The following PHF21B variants were observed in gnomAD, a reference collection of about 807,000 sequenced individuals.
The protein encoded by PHF21B is PHD finger protein 21B.
In PHF21B, 22 loss-of-function variants were observed where a neutral mutation model predicts 62.2. The ratio of observed to expected loss-of-function variants is 0.35; its 90% CI spans 0.25 to 0.51. The LOEUF (loss-of-function observed/expected upper bound fraction) is 0.51, where lower values mean the gene tolerates loss of function less well. PHF21B is among the 20% of genes least tolerant of loss of function. The pLI, the probability that PHF21B is intolerant of heterozygous loss-of-function variation, is 0.97. For synonymous variants in PHF21B, 341 were observed against 314.7 expected (o/e 1.08, Z -0.88); for missense variants, 701 against 707.9 (o/e 0.99, Z 0.11).
chr22:44,952,360 T>C (rs1012575475), intron 2 of PHF21B, among the ~76,000 whole-genome samples: 10 of 152,046 alleles, frequency 6.6e-5, no homozygotes, highest in Admixed American at 4.6e-4. Context: ...GAAAATAAAA[T>C]AGAACCAACA....
At position 44,889,157 on chromosome 22, in the gene PHF21B, T is replaced by C. The variant is rs550229509; in HGVS notation, c.1038+603A>G. Among the ~76,000 whole-genome samples the C allele has an allele frequency of 4.5e-3, 692 of 152,348 alleles. 3 individuals are homozygous for C. The highest frequency in any genetic ancestry group is 7.5e-3 in the Non-Finnish European group (511 of 68,032). On this transcript the variant is annotated intron_variant, in intron 9 of 12. Transcript: ENST00000313237. The stretch of plus-strand genomic sequence containing the variant: ...GCATGCAGGGACTAGAATGTTCTTT[T>C]AGAATTAGATCAGAAATTCAGTGAA...
At chr22:44,961,429 A>T (rs2072418080) in intron 2 of PHF21B, among the ~76,000 whole-genome samples, 1 of 152,130 alleles carries the variant, frequency 6.6e-6, no homozygotes, top group African/African-American at 2.4e-5. Context: ...TCTCTGCTCT[A>T]GGAGTCCCTA....
Position 44,882,904 on chromosome 22 carries a change from C to T in PHF21B, c.*182G>A. On this transcript the variant is annotated 3_prime_UTR_variant, in exon 13 of 13. Transcript: ENST00000313237. ...CCCTGTGAATTTGGAGGGCACAGGG[C>T]CGCACCCCCACCTGGTCCTGGCTCT... is the stretch of plus-strand genomic sequence containing the variant. 2 of 717,650 alleles carry T rather than the reference C, an allele frequency of 2.8e-6. No homozygotes were observed. The highest frequency in any genetic ancestry group is 4.4e-6 in the Non-Finnish European group (2 of 450,648). 44.5% of individuals were successfully genotyped at this position (717,650 alleles called of 1,614,324 possible). A position where few individuals can be genotyped will look rare whatever the true frequency, so the allele number is the denominator to read the frequency against.
chr22:44,966,533 G>T (rs1287427438), intron 2 of PHF21B, among the ~76,000 whole-genome samples: 1 of 152,160 alleles, frequency 6.6e-6, no homozygotes, highest in African/African-American at 2.4e-5. Flanking sequence ...TCCCCAGGGA[G>T]TCCCTGGGCA....
At chr22:44,965,888 TACCCCAAAGCTGCAC>T (rs1295887393) in intron 2 of PHF21B, among the ~76,000 whole-genome samples, 3 of 152,144 alleles carry the variant, frequency 2.0e-5, no homozygotes, top group Non-Finnish European at 4.4e-5. Flanking sequence ...GGACACCCGC[TACCCCAAAGCTGCAC>T]ACCCCCTGCT....
intron 2 of PHF21B, among the ~76,000 whole-genome samples, chr22:44,970,607 C>T (rs1490980097): frequency 6.6e-6 from 1 of 152,178 alleles, no homozygotes; most frequent in Non-Finnish European, 1.5e-5. Context: ...AATTCTCGGC[C>T]CTCCTTAGAA....
chr22:44,883,331 G>A (rs755603039), intron 12 of PHF21B, 27 bp from the exon 13 acceptor site: 13 of 1,607,200 alleles, frequency 8.1e-6, no homozygotes, highest in Non-Finnish European at 1.0e-5. Context: ...CAGGGGAAAG[G>A]GTCTCAGTAT....
At position 44,893,494 on chromosome 22, in the gene PHF21B, G is replaced by C; in HGVS notation, c.923C>G (p.Thr308Arg). 6.2e-7 allele frequency: 1 copy of C among 1,604,264 alleles called. No individual in the cohort carries two copies. The highest frequency in any genetic ancestry group is 8.5e-7 in the Non-Finnish European group (1 of 1,175,746). ...SKRQERKRRS[T>R]ANPAYSGLLE... is the part of the protein sequence containing the mutation. ...GAGGCCGCTGTAGGCAGGGTTGGCT[G>C]TGCTTCTTCTCTTCCGCTCCTGTCG... is the stretch of plus-strand genomic sequence containing the variant. Residue 308 changes from threonine (T) to arginine (R), a missense_variant, in exon 7 of 13, where the codon ACA (threonine) becomes AGA (arginine). By Grantham distance (71) the Thr-to-Arg change is moderately conservative. Coordinates refer to ENST00000313237, the MANE Select transcript of PHF21B (RefSeq NM_138415.5).
intron 2 of PHF21B, among the ~76,000 whole-genome samples, chr22:44,942,712 G>GC: frequency 1.3e-5 from 2 of 152,286 alleles, no homozygotes; most frequent in South Asian, 4.1e-4. Context: ...GAGGCCCAGC[G>GC]CACGAGCTGT....
chr22:44,886,998 T>C (rs1380199175), intron 10 of PHF21B, among the ~76,000 whole-genome samples: 5 of 151,206 alleles, frequency 3.3e-5, no homozygotes, highest in Non-Finnish European at 7.4e-5. Context: ...CTACTAAAAA[T>C]ACAAAAAATT....
chr22:44,959,761 CA>C (rs2072379940), intron 2 of PHF21B, among the ~76,000 whole-genome samples: 2 of 152,182 alleles, frequency 1.3e-5, no homozygotes, highest in South Asian at 4.1e-4. Context: ...AGATGACCAC[CA>C]GGGGAACAGG....
At chr22:44,893,564 G>A in intron 6 of PHF21B, 31 bp from the exon 7 acceptor site, 2 of 1,572,130 alleles carry the variant, frequency 1.3e-6, no homozygotes, top group Non-Finnish European at 1.7e-6. Context: ...CAGTTACTGG[G>A]TCCTGCCTGC....
intron 2 of PHF21B, among the ~76,000 whole-genome samples, chr22:44,928,586 T>A (rs978763299): frequency 2.6e-5 from 4 of 152,114 alleles, no homozygotes; most frequent in Non-Finnish European, 5.9e-5. Context: ...ATTTTTATAT[T>A]TTTAGTAGAG....
chr22:44,921,176 C>T (rs914371564), intron 2 of PHF21B, among the ~76,000 whole-genome samples: 7 of 152,168 alleles, frequency 4.6e-5, no homozygotes, highest in Admixed American at 2.6e-4. Context: ...CGCCAACACA[C>T]GATGGGATGG....
At chr22:44,950,788 T>C (rs941819702) in intron 2 of PHF21B, among the ~76,000 whole-genome samples, 3 of 152,202 alleles carry the variant, frequency 2.0e-5, no homozygotes, top group Non-Finnish European at 4.4e-5. Context: ...AAATGCAACT[T>C]TCTTTGAGTC....
intron 2 of PHF21B, among the ~76,000 whole-genome samples, chr22:44,921,986 T>C (rs957254069): frequency 6.6e-6 from 1 of 152,262 alleles, no homozygotes; most frequent in Non-Finnish European, 1.5e-5. Flanking sequence ...CATGGCTACA[T>C]TCGCACCCCA....
chr22:44,939,258 AC>A (rs2071908761), intron 2 of PHF21B, among the ~76,000 whole-genome samples: 1 of 152,166 alleles, frequency 6.6e-6, no homozygotes, highest in Non-Finnish European at 1.5e-5. Context: ...ACGCTCCTTC[AC>A]CCACGGCTGG....
chr22:44,928,321 C>A (rs868732762), intron 2 of PHF21B, among the ~76,000 whole-genome samples: 4 of 152,342 alleles, frequency 2.6e-5, no homozygotes, highest in African/African-American at 7.2e-5. Context: ...TGGTTACAAG[C>A]AGGACCTGGT....
chr22:44,897,535 C>G (rs2071082739), intron 5 of PHF21B, among the ~76,000 whole-genome samples: 1 of 152,162 alleles, frequency 6.6e-6, no homozygotes, highest in Non-Finnish European at 1.5e-5. Context: ...CTCCTGGAGC[C>G]TCACTCAAGG....
Sources: allele counts gnomAD v4.1 joint callset (sites outside exome capture counted in the v4.1 genomes callset), GRCh38; gene constraint gnomAD v4.1.1; transcripts MANE v1.5; gene names NCBI Gene and HGNC (gene_info 2026-07-23, HGNC 2026-07-21).